The following INTS8 variants were observed in gnomAD, a reference collection of about 807,000 sequenced individuals.
INTS8 encodes the protein protein kaonashi-1.
Under a neutral mutation model 138.9 loss-of-function variants are expected in INTS8, and 47 were observed. The observed-to-expected ratio is 0.34, with a 90% CI of 0.27 to 0.43. The LOEUF is 0.43. Among genes scored for constraint, INTS8 ranks in the 20% least tolerant of loss-of-function variants. The pLI is 1.00. For synonymous variants in INTS8, 392 were observed against 400.9 expected, an observed-to-expected ratio of 0.98 and a Z score of 0.27; for missense variants, 996 against 1,173.0, an observed-to-expected ratio of 0.85 and a Z score of 2.20.
chr8:94,824,788 C>T, intron 1 of INTS8, 105 bp from the exon 2 acceptor site: 1 of 103,266 alleles, frequency 9.7e-6, no homozygotes. Context: ...CCAAACTCCC[C>T]CCCCCCCCAC....
chr8:94,830,633 G>A (rs1814677961), intron 5 of INTS8, among the ~76,000 whole-genome samples: 1 of 152,040 alleles, frequency 6.6e-6, no homozygotes, highest in Admixed American at 6.6e-5. Flanking sequence ...CAGTAGCTGG[G>A]ACTACAGACA....
Position 94,842,507 on chromosome 8 carries a change from T to C in INTS8, c.1260+19T>C. On this transcript the variant is annotated intron_variant, in intron 10 of 26. Coordinates refer to ENST00000523731, the MANE Select transcript of INTS8 (RefSeq NM_017864.4). Reference sequence around the variant, plus strand: ...TCTTGAGGTATGACATGTTTTTCTTTCCCCTTTTGATTTATAATTTGCTTT... The same window carrying C: ...TCTTGAGGTATGACATGTTTTTCTTCCCCCTTTTGATTTATAATTTGCTTT... 6.3e-7 allele frequency: 1 copy of C among 1,581,180 alleles called. No individual in the cohort carries two copies. Among genetic ancestry groups the C allele is most frequent in the Non-Finnish European group, 8.6e-7 (1 of 1,160,850 alleles).
intron 8 of INTS8, among the ~76,000 whole-genome samples, chr8:94,840,994 C>T (rs1165420050): frequency 6.6e-6 from 1 of 150,996 alleles, no homozygotes; most frequent in African/African-American, 2.4e-5. Flanking sequence ...CTCAAAGCAA[C>T]CTCCGCCTCC....
rs897011409 is a variant in INTS8, at chr8:94,842,114, G to A, written c.1119-233G>A. Among the ~76,000 whole-genome samples, 7 of 150,356 alleles carry A rather than the reference G, an allele frequency of 4.7e-5. No individual in the cohort carries two copies. The East Asian group carries it at 1.2e-3, about 25-fold the overall frequency. ...CTGCTTGGGAGAAAAATTATACATA[G>A]CAAAATTCCATTCTGTTGTCTAATA... is the stretch of plus-strand genomic sequence containing the variant. On this transcript the variant is annotated intron_variant, in intron 9 of 26. Transcript: ENST00000523731.
intron 16 of INTS8, among the ~76,000 whole-genome samples, chr8:94,862,795 T>C (rs1358120786): frequency 2.6e-5 from 4 of 152,026 alleles, no homozygotes; most frequent in Admixed American, 2.6e-4. Context: ...AGGGATTGTG[T>C]TTTGAAAAAA....
At position 94,841,586 on chromosome 8, in the gene INTS8, A is replaced by G. The variant is rs767759988; in HGVS notation, c.1113A>G (p.Gln371=). The change falls in exon 9 of 27, where the codon CAA becomes CAG. Residue 371 remains glutamine (Q), a synonymous_variant. Coordinates refer to ENST00000523731, the MANE Select transcript of INTS8 (RefSeq NM_017864.4). Reference sequence around the variant, plus strand: ...TAAGAGAACTCTTTAAGAAAGCTCAACAGGGGTAAGTAAGTTGAAAAATTA... The same window carrying G: ...TAAGAGAACTCTTTAAGAAAGCTCAGCAGGGGTAAGTAAGTTGAAAAATTA... The part of the protein sequence containing the change: ...SVLRELFKKA[Q]QGNEALDEIC... 7.1e-6 allele frequency: 11 copies of G among 1,543,866 alleles called. No individual in the cohort carries two copies. In the Admixed American group the frequency reaches 1.8e-4, roughly 26 times the overall value.
Position 94,842,385 on chromosome 8 carries a change from C to T in INTS8, c.1157C>T (p.Ala386Val), listed in dbSNP as rs1334821577. Reference protein sequence around the residue: ...ALDEICFKVCACNTVRDILEG... With the variant: ...ALDEICFKVCVCNTVRDILEG... Reference sequence around the variant, plus strand: ...GATGAAATCTGTTTTAAAGTTTGTGCCTGTAATACAGTCCGTGATATACTG... The same window carrying T: ...GATGAAATCTGTTTTAAAGTTTGTGTCTGTAATACAGTCCGTGATATACTG... The change falls in exon 10 of 27, where the codon GCC (alanine) becomes GTC (valine). Residue 386 changes from alanine (A) to valine (V), a missense_variant. Ala to Val is a moderately conservative substitution (Grantham distance 64, BLOSUM62 0). Transcript: ENST00000523731. 4 of 1,595,828 alleles carry T rather than the reference C, an allele frequency of 2.5e-6. No homozygotes were observed. Among genetic ancestry groups the T allele is most frequent in the Non-Finnish European group, 3.4e-6 (4 of 1,168,028 alleles).
chr8:94,853,987 A>G, intron 14 of INTS8, 72 bp downstream of exon 14: 1 of 913,064 alleles, frequency 1.1e-6, no homozygotes, highest in Non-Finnish European at 1.8e-6. Context: ...TCATACCTGT[A>G]ATACCAGCAC....
intron 16 of INTS8, among the ~76,000 whole-genome samples, chr8:94,861,256 ATTTTT>A (rs1210530804): frequency 3.3e-4 from 19 of 57,386 alleles, no homozygotes; most frequent in African/African-American, 5.9e-4. Context: ...CCTTTTTGTA[ATTTTT>A]TTTTTTTTTT....
intron 6 of INTS8, among the ~76,000 whole-genome samples, chr8:94,836,113 C>T (rs1002835174): frequency 2.6e-5 from 4 of 152,064 alleles, no homozygotes; most frequent in African/African-American, 4.8e-5. Context: ...ATCTAGTTTC[C>T]GGGGACAGCA....
chr8:94,835,140 C>G (rs1036286017), intron 6 of INTS8, among the ~76,000 whole-genome samples: 8 of 152,096 alleles, frequency 5.3e-5, no homozygotes, highest in Non-Finnish European at 8.8e-5. Context: ...TCAGTCAGAT[C>G]AAGAAGACTT....
At chr8:94,830,524 G>T (rs1413290812) in intron 5 of INTS8, among the ~76,000 whole-genome samples, 3 of 152,014 alleles carry the variant, frequency 2.0e-5, no homozygotes, top group Non-Finnish European at 4.4e-5. Flanking sequence ...TTTAGACAGG[G>T]TCTGACTCTG....
chr8:94,877,442 C>T (rs1371122364), intron 26 of INTS8, among the ~76,000 whole-genome samples: 1 of 152,122 alleles, frequency 6.6e-6, no homozygotes, highest in Non-Finnish European at 1.5e-5. Flanking sequence ...TGATTGGAGG[C>T]AATTCATTCT....
intron 5 of INTS8, 101 bp from the exon 6 acceptor site, chr8:94,831,891 A>G (rs1586470116): frequency 1.2e-6 from 1 of 864,624 alleles, no homozygotes; most frequent in East Asian, 2.9e-5. Flanking sequence ...AAATTTTTTT[A>G]ATAGCTTAGT....
chr8:94,876,040 A>C lies in INTS8; in HGVS notation c.2689-34A>C, dbSNP rs200952655. ...TACCTTGTAAAACCAAGCTTTCATT[A>C]CATGAAACCATTTTCAAATCTTTGT... On this transcript the variant is annotated intron_variant, in intron 23 of 26. Transcript: ENST00000523731. The C allele has an allele frequency of 7.6e-4, 1,033 of 1,365,496 alleles. 5 individuals are homozygous for C. The African/African-American group carries it at 0.013, about 18-fold the overall frequency. The allele number at this position is 1,365,496 out of a possible 1,614,324, so 84.6% of individuals were successfully genotyped here. A position where few individuals can be genotyped will look rare whatever the true frequency, so the allele number is the denominator to read the frequency against.
chr8:94,858,998 G>T (rs1329406476), intron 15 of INTS8, among the ~76,000 whole-genome samples: 2 of 152,164 alleles, frequency 1.3e-5, no homozygotes, highest in African/African-American at 2.4e-5. Context: ...GGGCATGCTG[G>T]CTCACGCCTA....
chr8:94,875,969 G>A (rs570577943), intron 23 of INTS8, 105 bp from the exon 24 acceptor site: 29 of 774,274 alleles, frequency 3.7e-5, no homozygotes, highest in East Asian at 3.0e-4. Context: ...AACTATGAGC[G>A]GATTCAATGT....
At position 94,880,176 on chromosome 8, in the gene INTS8, T is replaced by C. The variant is rs1816750115; in HGVS notation, c.2930T>C (p.Leu977Pro). The C allele has an allele frequency of 6.2e-7, 1 of 1,612,374 alleles. No individual in the cohort carries two copies. The highest frequency in any genetic ancestry group is 8.5e-7 in the Non-Finnish European group (1 of 1,179,576). The change falls in exon 27 of 27, where the codon CTG becomes CCG. Residue 977 changes from leucine (L) to proline (P), a missense_variant. Physicochemically the swap from Leu to Pro is moderately conservative, Grantham distance 98. Transcript: ENST00000523731. ...AGCAATCCAGAAGAAGTGTTACAGC[T>C]GGCAGCGCAGAGAAGGAAAAAAAAG... ...NASNPEEVLQ[L>P]AAQRRKKKFL...
At chr8:94,834,979 A>C (rs1814871851) in intron 6 of INTS8, among the ~76,000 whole-genome samples, 1 of 152,170 alleles carries the variant, frequency 6.6e-6, no homozygotes, top group Admixed American at 6.5e-5. Flanking sequence ...ATCTCATGTG[A>C]ATGGGGACTT....
Sources: gnomAD v4.1 joint callset for allele counts (sites outside exome capture counted in the v4.1 genomes callset) on GRCh38, gnomAD v4.1.1 for gene constraint, MANE v1.5 for transcripts, NCBI Gene and HGNC (gene_info 2026-07-23, HGNC 2026-07-21) for gene names.